Variants in MINDY2 observed in about 807,000 individuals in gnomAD.
The protein encoded by MINDY2 is ubiquitin carboxyl-terminal hydrolase MINDY-2.
MINDY2 carries 52 observed loss-of-function variants against 68.2 expected under a neutral mutation model. That is an observed-to-expected ratio of 0.76 (90% CI 0.61 to 0.96). The LOEUF (loss-of-function observed/expected upper bound fraction) is 0.96. MINDY2 is among the 40% of genes least tolerant of loss of function. MINDY2 has a pLI of 0.00. For missense variants in MINDY2, 881 were observed against 773.4 expected, an observed-to-expected ratio of 1.14 and a Z score of -1.65; for synonymous variants, 372 against 303.0, an observed-to-expected ratio of 1.23 and a Z score of -2.36.
intron 4 of MINDY2, among the ~76,000 whole-genome samples, chr15:58,811,571 T>C (rs769909906): frequency 5.9e-5 from 9 of 152,188 alleles, no homozygotes; most frequent in African/African-American, 9.7e-5. Flanking sequence ...CACAGCAAGA[T>C]TGATTAGTAA....
chr15:58,778,862 G>T (rs567159280), intron 1 of MINDY2, among the ~76,000 whole-genome samples: 1 of 146,042 alleles, frequency 6.8e-6, no homozygotes, highest in South Asian at 2.1e-4. Flanking sequence ...GCCCAGGCTG[G>T]AGTGCAGTGG....
intron 4 of MINDY2, among the ~76,000 whole-genome samples, chr15:58,813,175 C>T (rs1404817034): frequency 2.6e-5 from 4 of 152,102 alleles, no homozygotes; most frequent in South Asian, 2.1e-4. Flanking sequence ...GTGGACCTAC[C>T]GCAGTTTTAC....
At chr15:58,787,807 G>T in intron 1 of MINDY2, 99 bp from the exon 2 acceptor site, 3 of 625,732 alleles carry the variant, frequency 4.8e-6, no homozygotes, top group Non-Finnish European at 8.2e-6. Flanking sequence ...AAGTATAGTA[G>T]ATACATAATT....
In MINDY2 at chr15:58,772,387, G is replaced by A. The variant is rs1900490428; in HGVS notation, c.840+152G>A. ...TTCATTCCAAGACTTCCATGTTGAA[G>A]GAATATTCCTTTATACATATATCGA... On this transcript the variant is annotated intron_variant, in intron 1 of 8. Coordinates refer to ENST00000559228, the MANE Select transcript of MINDY2 (RefSeq NM_001040450.3). The A allele has an allele frequency of 7.2e-6, 9 of 1,254,364 alleles. No homozygotes were observed. The Admixed American group carries it at 1.1e-4, about 16-fold the overall frequency. 77.7% of individuals were successfully genotyped at this position (1,254,364 alleles called of 1,614,324 possible). A position where few individuals can be genotyped will look rare whatever the true frequency, so the allele number is the denominator to read the frequency against.
intron 1 of MINDY2, among the ~76,000 whole-genome samples, chr15:58,774,440 C>T (rs1408381396): frequency 4.0e-5 from 6 of 148,694 alleles, no homozygotes; most frequent in South Asian, 2.1e-4. Context: ...GCCGAGATCA[C>T]GCCACTGCAC....
intron 6 of MINDY2, among the ~76,000 whole-genome samples, chr15:58,832,773 G>A (rs893329053): frequency 1.3e-4 from 20 of 152,156 alleles, no homozygotes; most frequent in Middle Eastern, 3.4e-3. Context: ...ATGATAGCCC[G>A]CCTCAGCCTC....
chr15:58,846,092 T>TAA (rs34161206), intron 6 of MINDY2, among the ~76,000 whole-genome samples: 27,163 of 135,996 alleles, frequency 0.2, 2,735 homozygotes, highest in South Asian at 0.37. Flanking sequence ...TAATGGATGT[T>TAA]AAAAAAAAAA....
chr15:58,798,994 T>A (rs1902463149), intron 2 of MINDY2, among the ~76,000 whole-genome samples: 1 of 151,982 alleles, frequency 6.6e-6, no homozygotes, highest in South Asian at 2.1e-4. Context: ...AAAGGAAAAA[T>A]TAGGAAATAG....
chr15:58,785,945 C>T (rs1441390230), intron 1 of MINDY2, among the ~76,000 whole-genome samples: 2 of 152,180 alleles, frequency 1.3e-5, no homozygotes, highest in African/African-American at 2.4e-5. Flanking sequence ...TCCCGGATTA[C>T]AGGTGTGAGC....
chr15:58,849,345 A>T (rs1341915929), intron 7 of MINDY2, among the ~76,000 whole-genome samples: 1 of 152,008 alleles, frequency 6.6e-6, no homozygotes, highest in Non-Finnish European at 1.5e-5. Context: ...TAATTAGAAA[A>T]ATGCAAAAAA....
rs373513458 is a variant in MINDY2 at position 58,831,848 on chromosome 15, A to G, written c.1300A>G (p.Thr434Ala). The change falls in exon 6 of 9, where the codon ACG (threonine) becomes GCG (alanine). Residue 434 changes from threonine (T) to alanine (A), a missense_variant. Coordinates refer to ENST00000559228, the MANE Select transcript of MINDY2 (RefSeq NM_001040450.3). ...TYHGLCELTS[T>A]VQEGELCVFF... The stretch of plus-strand genomic sequence containing the variant: ...CCATGGATTATGTGAACTAACTTCA[A>G]CGGTTCAGGAAGGAGAACTTTGTGT... 6.6e-5 allele frequency: 107 copies of G among 1,613,684 alleles called. No individual in the cohort carries two copies. The highest frequency in any genetic ancestry group is 8.9e-5 in the East Asian group (4 of 44,792).
chr15:58,854,457 T>G, intron 8 of MINDY2, 25 bp from the exon 9 acceptor site: 1 of 1,602,634 alleles, frequency 6.2e-7, no homozygotes. Flanking sequence ...TTAGAGTAAT[T>G]TCTTGCTGTA....
intron 2 of MINDY2, among the ~76,000 whole-genome samples, chr15:58,791,215 T>TTTTATATATATATATATATA (rs1344616079): frequency 3.8e-5 from 3 of 79,612 alleles, no homozygotes; most frequent in Non-Finnish European, 6.3e-5. Flanking sequence ...GAAAGCAATT[T>TTTTATATATATATATATATA]TATATATATA....
intron 6 of MINDY2, among the ~76,000 whole-genome samples, chr15:58,835,606 A>C (rs1289588336): frequency 3.3e-5 from 5 of 152,122 alleles, no homozygotes; most frequent in Admixed American, 2.0e-4. Flanking sequence ...TGAACTGAGA[A>C]TGTGCCATTG....
chr15:58,839,653 T>A (rs1231088036), intron 6 of MINDY2, among the ~76,000 whole-genome samples: 1 of 152,024 alleles, frequency 6.6e-6, no homozygotes, highest in Non-Finnish European at 1.5e-5. Context: ...TTTTTGGTGA[T>A]CCTCTATACA....
chr15:58,852,628 T>C (rs1032609197), intron 8 of MINDY2, among the ~76,000 whole-genome samples: 3 of 152,208 alleles, frequency 2.0e-5, no homozygotes, highest in Non-Finnish European at 4.4e-5. Flanking sequence ...CTCCTTCTAG[T>C]TGCAACCTCT....
In MINDY2 at chr15:58,787,941, T is replaced by C. The variant is rs779072508; in HGVS notation, c.876T>C (p.Ala292=). 1.9e-6 allele frequency: 3 copies of C among 1,592,932 alleles called. No homozygotes were observed. The highest frequency in any genetic ancestry group is 1.7e-6 in the Non-Finnish European group (2 of 1,171,402). Residue 292 remains alanine, a synonymous_variant, in exon 2 of 9, where the codon GCT becomes GCC. Transcript: ENST00000559228. ...KLPPMMEIIT[A]EQLMEYLGDY... ...CACCGATGATGGAAATCATAACTGC[T>C]GAGCAGCTGATGGAATATTTAGGTT...
chr15:58,788,129 A>T (rs528280070), intron 2 of MINDY2, among the ~76,000 whole-genome samples, 166 bp downstream of exon 2: 2 of 152,176 alleles, frequency 1.3e-5, no homozygotes, highest in East Asian at 3.8e-4. Context: ...CTGTTCTTAG[A>T]TGGTATAGTC....
intron 4 of MINDY2, among the ~76,000 whole-genome samples, chr15:58,821,363 A>G (rs1595749736): frequency 6.7e-6 from 1 of 149,776 alleles, no homozygotes; most frequent in Admixed American, 6.7e-5. Context: ...TTATGCTGGG[A>G]GAAAAAAATG....
Sources: gnomAD v4.1 joint callset for allele counts (sites outside exome capture counted in the v4.1 genomes callset) on GRCh38, gnomAD v4.1.1 for gene constraint, MANE v1.5 for transcripts, NCBI Gene and HGNC (gene_info 2026-07-23, HGNC 2026-07-21) for gene names.